Variants in KIAA1549 observed in about 807,000 individuals in gnomAD.
The protein encoded by KIAA1549 is UPF0606 protein KIAA1549.
In KIAA1549, 70 loss-of-function variants were observed where a neutral mutation model predicts 156.4. That is an observed-to-expected ratio of 0.45 (90% CI 0.37 to 0.55). The LOEUF (loss-of-function observed/expected upper bound fraction) is 0.55, where lower values mean the gene tolerates loss of function less well. Among genes scored for constraint, KIAA1549 ranks in the 20% least tolerant of loss-of-function variants. KIAA1549 has a pLI of 0.00. For missense variants in KIAA1549, 2,428 were observed against 2,540.9 expected, an observed-to-expected ratio of 0.96 and a Z score of 0.96; for synonymous variants, 1,103 against 1,066.4, an observed-to-expected ratio of 1.03 and a Z score of -0.67.
intron 1 of KIAA1549, among the ~76,000 whole-genome samples, chr7:138,920,169 T>TC (rs1812524432): frequency 6.9e-6 from 1 of 145,606 alleles, no homozygotes. Flanking sequence ...TGGAATGCCC[T>TC]TCCCAGCTCT....
chr7:138,923,260 T>A (rs13236892), intron 1 of KIAA1549, among the ~76,000 whole-genome samples: 73,408 of 152,080 alleles, frequency 0.48, 20,368 homozygotes, highest in African/African-American at 0.78. Flanking sequence ...AACCTTCAAA[T>A]AGAAGGGTTA....
At chr7:138,838,566 A>C (rs1307474147) in intron 19 of KIAA1549, among the ~76,000 whole-genome samples, 1 of 152,148 alleles carries the variant, frequency 6.6e-6, no homozygotes, top group East Asian at 1.9e-4. Context: ...TGTCTTTAAA[A>C]ACTTATCTGC....
intron 11 of KIAA1549, among the ~76,000 whole-genome samples, chr7:138,881,090 T>C (rs559467792): frequency 6.6e-5 from 10 of 152,350 alleles, no homozygotes; most frequent in African/African-American, 2.2e-4. Context: ...TCAGGATATA[T>C]ACACATGAGC....
intron 1 of KIAA1549, among the ~76,000 whole-genome samples, chr7:138,931,059 G>C (rs184172406): frequency 3.9e-5 from 6 of 152,290 alleles, no homozygotes; most frequent in Non-Finnish European, 8.8e-5. Context: ...AGGAGAGGGA[G>C]AGAGACAGGA....
At chr7:138,967,013 A>C (rs1814045503) in intron 1 of KIAA1549, among the ~76,000 whole-genome samples, 1 of 152,184 alleles carries the variant, frequency 6.6e-6, no homozygotes, top group Admixed American at 6.5e-5. Flanking sequence ...CACCCAGATC[A>C]AAACTGCAAC....
At chr7:138,929,053 G>A (rs1475068797) in intron 1 of KIAA1549, among the ~76,000 whole-genome samples, 2 of 152,128 alleles carry the variant, frequency 1.3e-5, no homozygotes, top group African/African-American at 2.4e-5. Context: ...TGATGAGGGT[G>A]GGTGGCTGAT....
chr7:138,890,421 T>C lies in KIAA1549; in HGVS notation c.4032+3921A>G, dbSNP rs551930523. Among the ~76,000 whole-genome samples, 3 of 152,364 alleles carry C rather than the reference T, an allele frequency of 2.0e-5. No homozygotes were observed. The East Asian group carries it at 5.8e-4, about 29-fold the overall frequency. On this transcript the variant is annotated intron_variant, in intron 10 of 19. Transcript: ENST00000422774. ...GAAAGCATTTATTACCTGATTGATGTCATTTGTGAAACGTCACCACAACCA... is the reference window on the plus strand; with the variant it reads ...GAAAGCATTTATTACCTGATTGATGCCATTTGTGAAACGTCACCACAACCA...
intron 15 of KIAA1549, among the ~76,000 whole-genome samples, chr7:138,863,205 G>A (rs1210819743): frequency 1.1e-4 from 16 of 151,534 alleles, no homozygotes; most frequent in Admixed American, 1.1e-3. Context: ...GGTTCTGCCC[G>A]AGGGGCTGGG....
chr7:138,937,374 T>C (rs1420875608), intron 1 of KIAA1549, among the ~76,000 whole-genome samples: 3 of 152,150 alleles, frequency 2.0e-5, no homozygotes, highest in Admixed American at 6.5e-5. Context: ...GTGCCTCCCA[T>C]GTCCAGCCCA....
intron 15 of KIAA1549, among the ~76,000 whole-genome samples, chr7:138,866,502 C>G (rs1035960903): frequency 1.3e-5 from 2 of 152,234 alleles, no homozygotes; most frequent in Non-Finnish European, 2.9e-5. Flanking sequence ...TGTCTCTAAA[C>G]CAGGCTGGCT....
At position 138,879,541 on chromosome 7, in the gene KIAA1549, T is replaced by C. The variant is rs1811181651; in HGVS notation, c.4342A>G (p.Ser1448Gly). The C allele has an allele frequency of 6.4e-7, 1 of 1,552,826 alleles. No homozygotes were observed. The highest frequency in any genetic ancestry group is 8.7e-7 in the Non-Finnish European group (1 of 1,145,714). The change falls in exon 12 of 20, where the codon AGC (serine) becomes GGC (glycine). Residue 1448 changes from serine (S) to glycine (G), a missense_variant. Around this residue, in one of 5 missense-constraint regions of KIAA1549, gnomAD observed 404 missense variants for 417.0 expected, o/e 0.97. Coordinates refer to ENST00000422774, the MANE Select transcript of KIAA1549 (RefSeq NM_001164665.2). Reference sequence around the variant, plus strand: ...AAGAACCAGAAGAGTCACAGACCGCTCTGCGGAGCTCTGTGGGACCTGCCA... The same window carrying C: ...AAGAACCAGAAGAGTCACAGACCGCCCTGCGGAGCTCTGTGGGACCTGCCA... ...NDGRSHRAPQSGPPLPSSGNE... is the reference protein window; with the variant it reads ...NDGRSHRAPQGGPPLPSSGNE...
intron 18 of KIAA1549, among the ~76,000 whole-genome samples, 168 bp downstream of exon 18, chr7:138,844,149 C>T (rs1810000814): frequency 6.6e-6 from 1 of 151,746 alleles, no homozygotes; most frequent in Non-Finnish European, 1.5e-5. Flanking sequence ...GCTTTGGGAG[C>T]TCCGCCTCTC....
chr7:138,929,491 G>A (rs1258253913), intron 1 of KIAA1549, among the ~76,000 whole-genome samples: 2 of 152,080 alleles, frequency 1.3e-5, no homozygotes, highest in African/African-American at 4.8e-5. Context: ...TCATTCATGA[G>A]GTTTCGCATC....
intron 15 of KIAA1549, among the ~76,000 whole-genome samples, chr7:138,863,958 G>A (rs1387536736): frequency 6.6e-6 from 1 of 152,130 alleles, no homozygotes; most frequent in African/African-American, 2.4e-5. Flanking sequence ...GTGGATAAAG[G>A]TCCACAGTCA....
In KIAA1549 at chr7:138,920,981, C is replaced by T. The variant is rs142474271; in HGVS notation, c.188-1543G>A. Among the ~76,000 whole-genome samples the T allele has an allele frequency of 7.8e-3, 1,194 of 152,226 alleles. 21 individuals carry two copies. Among genetic ancestry groups the T allele is most frequent in the African/African-American group, 0.027 (1,124 of 41,534 alleles). On this transcript the variant is annotated intron_variant, in intron 1 of 19. Coordinates refer to ENST00000422774, the MANE Select transcript of KIAA1549 (RefSeq NM_001164665.2). ...ATGGCCTGCAAGACAGTAAGGGGAACGTGCTGAATCCAGGAATAAAACAGG... is the reference window on the plus strand; with the variant it reads ...ATGGCCTGCAAGACAGTAAGGGGAATGTGCTGAATCCAGGAATAAAACAGG...
At chr7:138,856,038 T>TTA (rs1449851472) in intron 16 of KIAA1549, among the ~76,000 whole-genome samples, 4 of 146,598 alleles carry the variant, frequency 2.7e-5, no homozygotes, top group African/African-American at 1.0e-4. Context: ...TTTATTTTAT[T>TTA]TTTTTTTTTT....
chr7:138,942,638 C>T (rs546644498), intron 1 of KIAA1549, among the ~76,000 whole-genome samples: 5 of 152,106 alleles, frequency 3.3e-5, no homozygotes, highest in South Asian at 2.1e-4. Context: ...AGGCTGGGCA[C>T]GGTGACTCAC....
intron 10 of KIAA1549, 141 bp from the exon 11 acceptor site, chr7:138,881,725 C>T: frequency 1.4e-6 from 1 of 708,846 alleles, no homozygotes; most frequent in Non-Finnish European, 2.3e-6. Context: ...GACTGCATGC[C>T]AGGTTCTGTT....
At chr7:138,926,723 C>T (rs1294677762) in intron 1 of KIAA1549, among the ~76,000 whole-genome samples, 1 of 152,096 alleles carries the variant, frequency 6.6e-6, no homozygotes, top group African/African-American at 2.4e-5. Context: ...GTTTCTCCAC[C>T]GCAAAATGTA....
Sources: gnomAD v4.1 joint callset for allele counts (sites outside exome capture counted in the v4.1 genomes callset) on GRCh38, gnomAD v4.1.1 for gene constraint, gnomAD v4.1.1 regional missense constraint, MANE v1.5 for transcripts, NCBI Gene and HGNC (gene_info 2026-07-23, HGNC 2026-07-21) for gene names.